The following CCDC7 variants were observed in gnomAD, a reference collection of about 807,000 sequenced individuals.
CCDC7 encodes the protein coiled-coil domain containing 7.
Under a neutral mutation model 196.9 loss-of-function variants are expected in CCDC7, and 183 were observed. That is an observed-to-expected ratio of 0.93 (90% CI 0.82 to 1.05). CCDC7 has a LOEUF of 1.05. Among genes scored for constraint, CCDC7 ranks in the 50% least tolerant of loss-of-function variants. The pLI, the probability that CCDC7 is intolerant of heterozygous loss-of-function variation, is 0.00. For synonymous variants in CCDC7, 525 were observed against 484.6 expected (o/e 1.08, Z -1.10); for missense variants, 1,540 against 1,482.2 (o/e 1.04, Z -0.64).
intron 11 of CCDC7, among the ~76,000 whole-genome samples, chr10:32,532,664 G>T (rs1319450278): frequency 6.6e-6 from 1 of 152,038 alleles, no homozygotes; most frequent in Admixed American, 6.5e-5. Context: ...TTCTGTTGTT[G>T]GATGCACAGA....
Position 32,546,179 on chromosome 10 carries a change from G to A in CCDC7, c.1134+1878G>A, listed in dbSNP as rs1304944617. 2.6e-5 allele frequency among the ~76,000 whole-genome samples: 4 copies of A among 152,292 alleles called. No homozygotes were observed. In the East Asian group the frequency reaches 5.8e-4, roughly 22 times the overall value. Reference sequence around the variant, plus strand: ...TGCTGTTTATGAAAGGATTCTGTAAGGGAATCTTTGCTCTATAATTAACAG... The same window carrying A: ...TGCTGTTTATGAAAGGATTCTGTAAAGGAATCTTTGCTCTATAATTAACAG... On this transcript the variant is annotated intron_variant, in intron 13 of 41. Coordinates refer to ENST00000639629, the Ensembl canonical transcript of CCDC7.
intron 18 of CCDC7, among the ~76,000 whole-genome samples, chr10:32,602,159 C>T (rs1028064563): frequency 6.6e-6 from 1 of 152,110 alleles, no homozygotes; most frequent in African/African-American, 2.4e-5. Context: ...ACCACAAACC[C>T]ACTGGAAGGA....
chr10:32,612,345 T>C (rs2062244780), intron 18 of CCDC7, among the ~76,000 whole-genome samples: 1 of 81,572 alleles, frequency 1.2e-5, no homozygotes, highest in South Asian at 6.8e-4. Flanking sequence ...TTTCTAAATA[T>C]ACAATCATGT....
intron 20 of CCDC7, among the ~76,000 whole-genome samples, chr10:32,647,478 C>T (rs929285494): frequency 1.3e-5 from 2 of 150,386 alleles, no homozygotes; most frequent in Non-Finnish European, 2.9e-5. Context: ...CCACTTTTCT[C>T]CACAGCCTTA....
intron 24 of CCDC7, among the ~76,000 whole-genome samples, chr10:32,697,040 ATAT>A (rs777341681): frequency 5.9e-5 from 9 of 152,242 alleles, no homozygotes; most frequent in Middle Eastern, 3.4e-3. Context: ...CACTTTATTT[ATAT>A]TATTATTACA....
chr10:32,667,483 T>G (rs574104157), intron 21 of CCDC7, among the ~76,000 whole-genome samples: 3 of 152,188 alleles, frequency 2.0e-5, no homozygotes, highest in Non-Finnish European at 4.4e-5. Flanking sequence ...GATTTTCTTC[T>G]AGGGTTTTTA....
chr10:32,472,456 T>TA (rs1564378017), intron 6 of CCDC7, 25 bp from the exon 8 acceptor site: 1 of 1,552,946 alleles, frequency 6.4e-7, no homozygotes, highest in Non-Finnish European at 8.7e-7. Context: ...TATTAAAAAA[T>TA]ATTTCATTTA....
intron 9 of CCDC7, 42 bp downstream of exon 10, chr10:32,492,039 TA>T (rs749792728): frequency 2.7e-6 from 4 of 1,483,900 alleles, no homozygotes; most frequent in Non-Finnish European, 3.6e-6. Context: ...TTTCTATTTT[TA>T]AAAAAAGACA....
intron 29 of CCDC7, among the ~76,000 whole-genome samples, chr10:32,804,439 G>C (rs2085406685): frequency 6.6e-6 from 1 of 152,204 alleles, no homozygotes; most frequent in South Asian, 2.1e-4. Context: ...CAATCTACAA[G>C]ATATCTTATT....
intron 28 of CCDC7, among the ~76,000 whole-genome samples, chr10:32,761,956 C>T (rs1473528766): frequency 6.6e-6 from 1 of 151,904 alleles, no homozygotes; most frequent in East Asian, 1.9e-4. Flanking sequence ...TAAACATTTC[C>T]ACATGGATCA....
chr10:32,842,954 G>T (rs1009025183), intron 33 of CCDC7, among the ~76,000 whole-genome samples: 4 of 151,846 alleles, frequency 2.6e-5, no homozygotes, highest in Non-Finnish European at 5.9e-5. Context: ...AGTAGGGGGG[G>T]CAAGGGACAA....
At chr10:32,655,871 G>A (rs1347715826) in intron 20 of CCDC7, among the ~76,000 whole-genome samples, 2 of 152,098 alleles carry the variant, frequency 1.3e-5, no homozygotes, top group Admixed American at 6.6e-5. Flanking sequence ...TGAGAAATAT[G>A]TATTAGGCTT....
At chr10:32,866,768 A>G (rs2094213004) in intron 41 of CCDC7, among the ~76,000 whole-genome samples, 2 of 151,712 alleles carry the variant, frequency 1.3e-5, no homozygotes, top group South Asian at 2.1e-4. Context: ...AAAAAAATTA[A>G]TGGGTGAGTT....
chr10:32,672,295 G>A (rs2074204339), intron 21 of CCDC7, among the ~76,000 whole-genome samples: 2 of 152,272 alleles, frequency 1.3e-5, no homozygotes, highest in African/African-American at 4.8e-5. Flanking sequence ...GCACAGTCCA[G>A]CTCTCTATGA....
chr10:32,786,245 CTG>C (rs1432296869), intron 29 of CCDC7, among the ~76,000 whole-genome samples: 1 of 152,170 alleles, frequency 6.6e-6, no homozygotes, highest in African/African-American at 2.4e-5. Context: ...AAATGTCTGA[CTG>C]TAGCTTTCAG....
chr10:32,796,197 T>A (rs1231247440), intron 29 of CCDC7, among the ~76,000 whole-genome samples: 1 of 152,136 alleles, frequency 6.6e-6, no homozygotes, highest in Non-Finnish European at 1.5e-5. Context: ...CTAAAAATTG[T>A]CTCATTCTCA....
Position 32,861,131 on chromosome 10 carries a change from A to AAG in CCDC7, c.4111+6643_4111+6644insGA, listed in dbSNP as rs1555202660. On this transcript the variant is annotated intron_variant, in intron 41 of 41. Coordinates refer to ENST00000639629, the Ensembl canonical transcript of CCDC7. ...AATCATAAGCAAAAAAAAAAAAAAA[A>AAG]AAAGAAAGCTGAAGGCATCATGCTA... 5.9e-3 allele frequency among the ~76,000 whole-genome samples: 879 copies of AAG among 148,750 alleles called. 10 individuals are homozygous for AAG. Among genetic ancestry groups the AAG allele is most frequent in the African/African-American group, 0.019 (793 of 40,730 alleles).
At chr10:32,659,638 C>T (rs1237261212) in intron 20 of CCDC7, among the ~76,000 whole-genome samples, 2 of 152,056 alleles carry the variant, frequency 1.3e-5, no homozygotes, top group Admixed American at 6.6e-5. Context: ...ACAGCAACAA[C>T]AACAAACAAC....
intron 12 of CCDC7, among the ~76,000 whole-genome samples, chr10:32,543,615 C>T (rs1433769805): frequency 2.0e-5 from 3 of 151,970 alleles, no homozygotes; most frequent in Non-Finnish European, 1.5e-5. Flanking sequence ...AACCACAATA[C>T]ATTCAGAAAT....
Sources: allele counts gnomAD v4.1 joint callset (sites outside exome capture counted in the v4.1 genomes callset), GRCh38; gene constraint gnomAD v4.1.1; transcripts MANE v1.5; gene names NCBI Gene and HGNC (gene_info 2026-07-23, HGNC 2026-07-21).